The following DDX24 variants were observed in gnomAD, a reference collection of about 807,000 sequenced individuals.
DDX24 encodes the protein ATP-dependent RNA helicase DDX24.
Under a neutral mutation model 68.9 loss-of-function variants are expected in DDX24, and 24 were observed. That is an observed-to-expected ratio of 0.35 (90% CI 0.25 to 0.49). DDX24 has a LOEUF of 0.49. Among genes scored for constraint, DDX24 ranks in the 20% least tolerant of loss-of-function variants. The probability of loss-of-function intolerance (pLI) is 0.99; values close to 1 mark genes in which losing one functional copy is unlikely to be tolerated. For synonymous variants in DDX24, 395 were observed against 385.2 expected, an observed-to-expected ratio of 1.03 and a Z score of -0.30; for missense variants, 989 against 1,039.0, an observed-to-expected ratio of 0.95 and a Z score of 0.66.
Position 94,057,833 on chromosome 14 carries a change from T to A in DDX24, c.1978A>T (p.Ile660Phe). ...TCAGATGCCCCTACCTGGTAATGGA[T>A]GACATGCTGGACTTTAGGAATATCC... ...GLDIPKVQHV[I>F]HYQVPRTSEI... Residue 660 changes from isoleucine to phenylalanine, a missense_variant, in exon 6 of 9, where the codon ATC becomes TTC. Ile to Phe is a conservative substitution (Grantham distance 21, BLOSUM62 0). This residue lies in a region of DDX24 where 691 missense variants were observed against 760.0 expected (regional missense o/e 0.91). Transcript: ENST00000621632. 3.7e-6 allele frequency: 6 copies of A among 1,613,792 alleles called. No homozygotes were observed. The highest frequency in any genetic ancestry group is 5.1e-6 in the Non-Finnish European group (6 of 1,179,878).
Position 94,055,097 on chromosome 14 carries a change from G to A in DDX24, c.2077C>T (p.Pro693Ser), listed in dbSNP as rs768579258. The A allele has an allele frequency of 1.9e-6, 3 of 1,614,138 alleles. No individual in the cohort carries two copies. Among genetic ancestry groups the A allele is most frequent in the African/African-American group, 2.7e-5 (2 of 75,030 alleles). ...NEGLSLMLIG[P>S]EDVINFKKIY... ...TTCTTAAAGTTGATCACATCCTCAG[G>A]CCCAATGAGCATCAGACTGAGGCCT... The change falls in exon 7 of 9, where the codon CCT becomes TCT. Residue 693 changes from proline (P) to serine (S), a missense_variant. Coordinates refer to ENST00000621632, the MANE Select transcript of DDX24 (RefSeq NM_020414.4).
rs1363784509 is a variant in DDX24, at chr14:94,048,695, C to G, written c.*2496G>C. 1 of 152,200 alleles carries G rather than the reference C, an allele frequency of 6.6e-6. No homozygotes were observed. Among genetic ancestry groups the G allele is most frequent in the East Asian group, 1.9e-4 (1 of 5,188 alleles). The allele number at this position is 152,200 out of a possible 1,614,324, so 9.4% of individuals were successfully genotyped here. A position where few individuals can be genotyped will look rare whatever the true frequency, so the allele number is the denominator to read the frequency against. ...GCATAGGGCACTGCAGATGGGGAAG[C>G]ATGTCACCTTGGCAGTGACTCGGTG... On this transcript the variant is annotated 3_prime_UTR_variant, in exon 9 of 9. Transcript: ENST00000621632.
At chr14:94,069,844 A>G (rs1393062669) in intron 2 of DDX24, among the ~76,000 whole-genome samples, 1 of 152,180 alleles carries the variant, frequency 6.6e-6, no homozygotes, top group Non-Finnish European at 1.5e-5. Context: ...AAATTGGCAT[A>G]CAAGGGACAC....
At chr14:94,060,648 C>G in intron 4 of DDX24, 35 bp from the exon 5 acceptor site, 1 of 1,599,330 alleles carries the variant, frequency 6.3e-7, no homozygotes, top group East Asian at 2.2e-5. Flanking sequence ...CATTGGTCAG[C>G]AGCGGGTTAA....
chr14:94,060,697 C>A, intron 4 of DDX24, 84 bp from the exon 5 acceptor site: 2 of 939,172 alleles, frequency 2.1e-6, no homozygotes, highest in East Asian at 3.9e-5. Flanking sequence ...TCATCCTAAA[C>A]ACACACACAC....
intron 7 of DDX24, among the ~76,000 whole-genome samples, 197 bp downstream of exon 7, chr14:94,054,799 C>T (rs1014800204): frequency 6.6e-6 from 1 of 152,188 alleles, no homozygotes; most frequent in Non-Finnish European, 1.5e-5. Flanking sequence ...AAATGCCTCC[C>T]ACCTTCAGTC....
chr14:94,076,822 G>C (rs4900212), intron 2 of DDX24, among the ~76,000 whole-genome samples: 1 of 151,846 alleles, frequency 6.6e-6, no homozygotes, highest in African/African-American at 2.4e-5. Context: ...CTTTTTGGGG[G>C]TAATGGATAT....
At chr14:94,080,726 C>A (rs1468735152) in intron 1 of DDX24, among the ~76,000 whole-genome samples, 1 of 150,956 alleles carries the variant, frequency 6.6e-6, no homozygotes, top group Non-Finnish European at 1.5e-5. Flanking sequence ...AAAAAAAACA[C>A]AAAGAAACAC....
Position 94,051,170 on chromosome 14 carries a change from G to A in DDX24, c.*21C>T, listed in dbSNP as rs1361360759. 4.0e-6 allele frequency: 6 copies of A among 1,489,378 alleles called. No individual in the cohort carries two copies. The allele number at this position is 1,489,378 out of a possible 1,614,324, so 92.3% of individuals were successfully genotyped here. On this transcript the variant is annotated 3_prime_UTR_variant, in exon 9 of 9. Coordinates refer to ENST00000621632, the MANE Select transcript of DDX24 (RefSeq NM_020414.4). Reference sequence around the variant, plus strand: ...GCCAGAGAACAGAAACCAATGTGCAGTCACTGACACACTTGACCAGTTAAT... The same window carrying A: ...GCCAGAGAACAGAAACCAATGTGCAATCACTGACACACTTGACCAGTTAAT...
At chr14:94,078,961 T>C in intron 2 of DDX24, 64 bp downstream of exon 2, 4 of 1,466,938 alleles carry the variant, frequency 2.7e-6, no homozygotes, top group South Asian at 2.6e-5. Flanking sequence ...CCCAATTATC[T>C]GGCCTATTAG....
intron 2 of DDX24, among the ~76,000 whole-genome samples, chr14:94,078,018 T>C (rs557773739): frequency 6.6e-6 from 1 of 150,702 alleles, no homozygotes; most frequent in Admixed American, 6.6e-5. Flanking sequence ...ATCGACAATA[T>C]TCGGGGGGGT....
chr14:94,080,280 G>A (rs901046526), intron 1 of DDX24, among the ~76,000 whole-genome samples: 2 of 152,154 alleles, frequency 1.3e-5, no homozygotes, highest in South Asian at 4.1e-4. Flanking sequence ...GAGAGCAAAT[G>A]CCTGCTCCAC....
At chr14:94,062,825 C>A (rs1885625536) in intron 2 of DDX24, among the ~76,000 whole-genome samples, 1 of 152,122 alleles carries the variant, frequency 6.6e-6, no homozygotes, top group African/African-American at 2.4e-5. Context: ...GTATGGCAGG[C>A]TAGCACTGAG....
chr14:94,054,372 TTCCACC>T (rs1322215911), intron 7 of DDX24, among the ~76,000 whole-genome samples: 1 of 152,186 alleles, frequency 6.6e-6, no homozygotes, highest in Non-Finnish European at 1.5e-5. Flanking sequence ...ATTCCTGGAA[TTCCACC>T]TCCTCTGTAC....
intron 7 of DDX24, among the ~76,000 whole-genome samples, chr14:94,053,776 T>C (rs1841886460): frequency 6.6e-6 from 1 of 152,062 alleles, no homozygotes; most frequent in African/African-American, 2.4e-5. Flanking sequence ...ATTGTGCCAC[T>C]GCACTCCAGT....
rs749374311 is a variant in DDX24, at chr14:94,079,035, A to G, written c.708T>C (p.Ala236=). The G allele has an allele frequency of 5.0e-6, 8 of 1,612,722 alleles. No individual in the cohort carries two copies. The highest frequency in any genetic ancestry group is 6.8e-6 in the Non-Finnish European group (8 of 1,179,034). The change falls in exon 2 of 9, where the codon GCT becomes GCC. Residue 236 remains alanine, a synonymous_variant. Transcript: ENST00000621632. ...AIRDKLDILG[A]AETGSGKTLA... ...CAGAGTTGCCCTTACCTGTCTCAGC[A>G]GCCCCAAGGATGTCCAGTTTGTCAC...
intron 2 of DDX24, among the ~76,000 whole-genome samples, chr14:94,063,098 G>A (rs991955582): frequency 6.6e-6 from 1 of 152,082 alleles, no homozygotes; most frequent in Admixed American, 6.5e-5. Context: ...CAAATCATCT[G>A]GGTGGTCAAA....
chr14:94,069,563 G>A (rs1414303799), intron 2 of DDX24, among the ~76,000 whole-genome samples: 2 of 152,070 alleles, frequency 1.3e-5, no homozygotes, highest in African/African-American at 4.8e-5. Flanking sequence ...AACCAAAAAA[G>A]AAAACTACAG....
intron 7 of DDX24, 91 bp from the exon 8 acceptor site, chr14:94,053,218 G>T: frequency 6.4e-7 from 1 of 1,564,036 alleles, no homozygotes; most frequent in South Asian, 1.2e-5. Context: ...GTGTGTTTAA[G>T]GCAGGTATCA....
Sources: allele counts gnomAD v4.1 joint callset (sites outside exome capture counted in the v4.1 genomes callset), GRCh38; gene constraint gnomAD v4.1.1; regional missense constraint gnomAD v4.1.1; transcripts MANE v1.5; gene names NCBI Gene and HGNC (gene_info 2026-07-23, HGNC 2026-07-21).